The following CACNA1C variants were observed in gnomAD, a reference collection of about 807,000 sequenced individuals.
CACNA1C encodes voltage-dependent L-type calcium channel subunit alpha-1C.
A neutral mutation model predicts 229.0 loss-of-function variants in CACNA1C; 30 were observed. The observed-to-expected ratio is 0.13, with a 90% CI of 0.10 to 0.18. The LOEUF is 0.18. CACNA1C is among the 10% of genes least tolerant of loss of function. The pLI, the probability that CACNA1C is intolerant of heterozygous loss-of-function variation, is 1.00. For missense variants in CACNA1C, 1,658 were observed against 2,845.0 expected (o/e 0.58, Z 9.49); for synonymous variants, 1,114 against 1,132.5 (o/e 0.98, Z 0.33).
At chr12:2,607,270 T>G (rs1217926897) in intron 26 of CACNA1C, 140 bp downstream of exon 26, 1 of 803,648 alleles carries the variant, frequency 1.2e-6, no homozygotes, top group Non-Finnish European at 1.9e-6. Flanking sequence ...GGCAGTGAGG[T>G]GTATTTCTAG....
chr12:2,151,777 C>T (rs944712677), intron 3 of CACNA1C, among the ~76,000 whole-genome samples: 22 of 152,336 alleles, frequency 1.4e-4, no homozygotes, highest in Admixed American at 7.8e-4. Context: ...CGAAGCTTGT[C>T]TTCCTCCATC....
intron 29 of CACNA1C, among the ~76,000 whole-genome samples, chr12:2,628,753 T>A (rs140978396): frequency 7.3e-6 from 1 of 137,120 alleles, no homozygotes; most frequent in East Asian, 2.2e-4. Flanking sequence ...CAAAAAAAAA[T>A]TAAACAATTA....
chr12:2,385,266 G>C (rs551676246), intron 3 of CACNA1C, among the ~76,000 whole-genome samples: 2 of 152,206 alleles, frequency 1.3e-5, no homozygotes, highest in South Asian at 4.2e-4. Flanking sequence ...CAGGAAGACC[G>C]GCCCCCTCAG....
At position 2,677,966 on chromosome 12, in the gene CACNA1C, G is replaced by A; in HGVS notation, c.5091+99G>A. On this transcript the variant is annotated intron_variant, in intron 41 of 46. Transcript: ENST00000399655. The surrounding 1 kb of genome is among the most constrained non-coding windows in gnomAD (Gnocchi z 7.4). ...CGGGGAACGTCCAGGGGAAGGAGCT[G>A]CACCAGAGGAAAGGGCTACTTCCAG... 2 of 1,392,784 alleles carry A rather than the reference G, an allele frequency of 1.4e-6. No homozygotes were observed. Among genetic ancestry groups the A allele is most frequent in the Non-Finnish European group, 2.0e-6 (2 of 998,710 alleles). 86.3% of individuals were successfully genotyped at this position (1,392,784 alleles called of 1,614,324 possible). A position where few individuals can be genotyped will look rare whatever the true frequency, so the allele number is the denominator to read the frequency against.
At chr12:2,106,929 C>T (rs866446192) in intron 1 of CACNA1C, among the ~76,000 whole-genome samples, 3 of 90,794 alleles carry the variant, frequency 3.3e-5, no homozygotes, top group Non-Finnish European at 5.2e-5. Context: ...GGGTTTCCAC[C>T]TCAGCTGGGG....
chr12:2,053,201 G>C lies in CACNA1C; in HGVS notation c.-362G>C. The stretch of plus-strand genomic sequence containing the variant: ...CCCTGCCGGCCCAGGCGGGCCCCGC[G>C]CGCCCCCCGCCCCTCCTCTCCGCCT... On this transcript the variant is annotated 5_prime_UTR_variant, in exon 1 of 47. Transcript: ENST00000399655. This position sits in a 1 kb window ranked among gnomAD's most constrained non-coding sequence, Gnocchi z 5.8. 1 of 1,001,954 alleles carries C rather than the reference G, an allele frequency of 1.0e-6. No homozygotes were observed. Among genetic ancestry groups the C allele is most frequent in the Non-Finnish European group, 1.2e-6 (1 of 841,106 alleles). 62.1% of individuals were successfully genotyped at this position (1,001,954 alleles called of 1,614,324 possible).
intron 3 of CACNA1C, among the ~76,000 whole-genome samples, chr12:2,387,930 C>T (rs1222614578): frequency 6.6e-6 from 1 of 152,180 alleles, no homozygotes; most frequent in Non-Finnish European, 1.5e-5. Context: ...CTTACCAGAT[C>T]TGTACTAAGA....
chr12:2,442,417 A>G (rs2099237832), intron 3 of CACNA1C, among the ~76,000 whole-genome samples: 1 of 152,196 alleles, frequency 6.6e-6, no homozygotes, highest in Non-Finnish European at 1.5e-5. Flanking sequence ...AGGGAGAAGA[A>G]GATGGAAATA....
intron 4 of CACNA1C, among the ~76,000 whole-genome samples, chr12:2,457,176 A>G (rs1226472936): frequency 6.6e-6 from 1 of 152,240 alleles, no homozygotes; most frequent in Non-Finnish European, 1.5e-5. Context: ...AACAGAGCAC[A>G]TGGTTGCTGG....
intron 3 of CACNA1C, among the ~76,000 whole-genome samples, chr12:2,316,836 A>C (rs950976654): frequency 1.3e-5 from 2 of 152,208 alleles, no homozygotes; most frequent in Non-Finnish European, 2.9e-5. Context: ...CAGGCACAAA[A>C]AGATGGCCAG....
In CACNA1C at chr12:2,691,314, T is replaced by C; in HGVS notation, c.*115T>C. ...GAGTTAACCGGAACAGCGTCTTCAT[T>C]CATTTCTGTTGGGACCAGACGCGGA... On this transcript the variant is annotated 3_prime_UTR_variant, in exon 47 of 47. Coordinates refer to ENST00000399655, the MANE Select transcript of CACNA1C (RefSeq NM_000719.7). 1 of 1,135,536 alleles carries C rather than the reference T, an allele frequency of 8.8e-7. No individual in the cohort carries two copies. Among genetic ancestry groups the C allele is most frequent in the Non-Finnish European group, 1.2e-6 (1 of 847,648 alleles). 70.3% of individuals were successfully genotyped at this position (1,135,536 alleles called of 1,614,324 possible).
intron 5 of CACNA1C, among the ~76,000 whole-genome samples, chr12:2,483,159 G>GCGT (rs1248134984): frequency 6.6e-6 from 1 of 152,194 alleles, no homozygotes; most frequent in Non-Finnish European, 1.5e-5. Flanking sequence ...CAGGGGAGCC[G>GCGT]CGTGCGCTGG....
At chr12:2,179,270 T>C (rs10848626) in intron 3 of CACNA1C, among the ~76,000 whole-genome samples, 51,219 of 152,128 alleles carry the variant, frequency 0.34, 9,368 homozygotes, top group South Asian at 0.42. Flanking sequence ...CAGGTGGAGC[T>C]GGGAGTTCAG....
At chr12:1,991,166 T>C (rs1004422794) in intron 1 of CACNA1C, 7 of 456,080 alleles carry the variant, frequency 1.5e-5, no homozygotes, top group African/African-American at 1.0e-4. Flanking sequence ...ACAGGTGGTG[T>C]GGAAAAAGCA....
At chr12:2,207,299 G>A (rs2097780360) in intron 3 of CACNA1C, among the ~76,000 whole-genome samples, 1 of 152,238 alleles carries the variant, frequency 6.6e-6, no homozygotes, top group South Asian at 2.1e-4. Context: ...CCTCCATGGG[G>A]CTGTGTGAAG....
intron 38 of CACNA1C, among the ~76,000 whole-genome samples, chr12:2,673,900 C>T (rs746831502): frequency 6.6e-6 from 1 of 152,196 alleles, no homozygotes; most frequent in Admixed American, 6.5e-5. Flanking sequence ...GCTTTGGCAG[C>T]ATGTGTACCC....
At chr12:2,442,747 A>T (rs1163129677) in intron 3 of CACNA1C, among the ~76,000 whole-genome samples, 1 of 152,232 alleles carries the variant, frequency 6.6e-6, no homozygotes, top group Non-Finnish European at 1.5e-5. Context: ...ATCATGGCAG[A>T]AGGCAAAGGG....
chr12:2,041,913 C>A (rs914647412), intron 1 of CACNA1C, among the ~76,000 whole-genome samples: 21 of 152,174 alleles, frequency 1.4e-4, no homozygotes, highest in Non-Finnish European at 2.8e-4. Flanking sequence ...GCAGATCCCC[C>A]CAAAAGAGTT....
At chr12:2,151,978 C>T (rs1342474286) in intron 3 of CACNA1C, among the ~76,000 whole-genome samples, 1 of 152,216 alleles carries the variant, frequency 6.6e-6, no homozygotes, top group Non-Finnish European at 1.5e-5. Context: ...GGATGACTTA[C>T]AGTCAGCCTA....
Sources: gnomAD v4.1 joint callset for allele counts (sites outside exome capture counted in the v4.1 genomes callset) on GRCh38, gnomAD v4.1.1 for gene constraint, Gnocchi (gnomAD v3.1) non-coding constraint, MANE v1.5 for transcripts, NCBI Gene and HGNC (gene_info 2026-07-23, HGNC 2026-07-21) for gene names.